The following GPC5 variants were observed in gnomAD, a reference collection of about 807,000 sequenced individuals.
The protein encoded by GPC5 is glypican 5.
A neutral mutation model predicts 53.9 loss-of-function variants in GPC5; 47 were observed. The ratio of observed to expected loss-of-function variants is 0.87; its 90% CI spans 0.69 to 1.11. GPC5 has a LOEUF of 1.11. GPC5 is among the 50% of genes most tolerant of loss of function. GPC5 has a pLI of 0.00. For missense variants in GPC5, 748 were observed against 713.1 expected (o/e 1.05, Z -0.56); for synonymous variants, 286 against 263.3 (o/e 1.09, Z -0.84).
chr13:92,758,938 T>C (rs1875032088), intron 7 of GPC5, among the ~76,000 whole-genome samples: 1 of 151,778 alleles, frequency 6.6e-6, no homozygotes, highest in African/African-American at 2.4e-5. Flanking sequence ...ATTTCATTGG[T>C]TTATTTTCAG....
chr13:92,807,988 T>G (rs1877160881), intron 7 of GPC5, among the ~76,000 whole-genome samples: 1 of 152,118 alleles, frequency 6.6e-6, no homozygotes, highest in Non-Finnish European at 1.5e-5. Flanking sequence ...ATTGATCATT[T>G]AAGTTTTTAT....
chr13:91,850,502 G>C (rs898725372), intron 5 of GPC5, among the ~76,000 whole-genome samples: 6 of 152,072 alleles, frequency 3.9e-5, no homozygotes, highest in African/African-American at 1.4e-4. Context: ...TGTAATAAAA[G>C]ACATGTTTCC....
intron 5 of GPC5, among the ~76,000 whole-genome samples, chr13:91,891,304 G>T (rs1594644674): frequency 6.6e-6 from 1 of 152,106 alleles, no homozygotes; most frequent in African/African-American, 2.4e-5. Context: ...CAGATTTTAT[G>T]TGCTGTCTTA....
intron 7 of GPC5, among the ~76,000 whole-genome samples, chr13:92,226,416 A>T (rs2042486729): frequency 6.6e-6 from 1 of 152,094 alleles, no homozygotes; most frequent in Non-Finnish European, 1.5e-5. Context: ...TTATTTGCTC[A>T]ATTAGTTATA....
At chr13:92,193,325 C>A (rs1463406312) in intron 7 of GPC5, among the ~76,000 whole-genome samples, 2 of 152,076 alleles carry the variant, frequency 1.3e-5, no homozygotes, top group Non-Finnish European at 2.9e-5. Context: ...GTTCATAACT[C>A]AAAATGGAAT....
chr13:92,856,221 G>A (rs778602140), intron 7 of GPC5, among the ~76,000 whole-genome samples: 7 of 151,860 alleles, frequency 4.6e-5, no homozygotes, highest in South Asian at 2.1e-4. Context: ...AAATAAATGC[G>A]ATTCACCACA....
chr13:92,806,017 T>G (rs762776113), intron 7 of GPC5, among the ~76,000 whole-genome samples: 1 of 152,000 alleles, frequency 6.6e-6, no homozygotes, highest in African/African-American at 2.4e-5. Context: ...CTTTCATAGT[T>G]CTCTAGCTAT....
intron 7 of GPC5, among the ~76,000 whole-genome samples, chr13:92,436,253 A>T (rs1264451053): frequency 6.6e-6 from 1 of 152,140 alleles, no homozygotes; most frequent in Non-Finnish European, 1.5e-5. Context: ...TATTGTGGAA[A>T]GTCTCTTAGA....
intron 2 of GPC5, among the ~76,000 whole-genome samples, chr13:91,596,075 T>C (rs930080340): frequency 1.3e-5 from 2 of 152,374 alleles, no homozygotes; most frequent in Admixed American, 6.5e-5. Context: ...ACCTTCGTGA[T>C]AAATTGATCC....
chr13:92,489,457 A>G (rs1044717899), intron 7 of GPC5, among the ~76,000 whole-genome samples: 2 of 152,164 alleles, frequency 1.3e-5, no homozygotes, highest in African/African-American at 2.4e-5. Flanking sequence ...GAATTAGGCA[A>G]GGTAATTTGC....
At chr13:91,467,352 C>T (rs370457369) in intron 2 of GPC5, among the ~76,000 whole-genome samples, 8 of 152,180 alleles carry the variant, frequency 5.3e-5, no homozygotes, top group African/African-American at 1.9e-4. Context: ...ATTCCTCCAC[C>T]AAGGCCACAG....
chr13:92,226,924 G>A (rs1218954279), intron 7 of GPC5, among the ~76,000 whole-genome samples: 1 of 152,134 alleles, frequency 6.6e-6, no homozygotes, highest in Admixed American at 6.5e-5. Context: ...TTTAATAGAA[G>A]TAACCCGTAT....
intron 2 of GPC5, among the ~76,000 whole-genome samples, chr13:91,520,117 T>A (rs1242292056): frequency 1.3e-5 from 2 of 152,098 alleles, no homozygotes; most frequent in Admixed American, 6.6e-5. Context: ...TAAAAAAAAA[T>A]TTATAAAATG....
rs147701029 is a variant in GPC5 at position 92,253,893 on chromosome 13, G to A, written c.1561+108904G>A. The stretch of plus-strand genomic sequence containing the variant: ...AAGGAATAAATTAGGATAGTTTGAA[G>A]AGGATTTGTTACAAAATGATTACTG... On this transcript the variant is annotated intron_variant, in intron 7 of 7. Transcript: ENST00000377067. 4.3e-4 allele frequency among the ~76,000 whole-genome samples: 66 copies of A among 152,200 alleles called. No homozygotes were observed. The East Asian group carries it at 8.9e-3, about 20-fold the overall frequency.
intron 3 of GPC5, among the ~76,000 whole-genome samples, chr13:91,709,172 A>C (rs571533193): frequency 1.5e-4 from 23 of 152,108 alleles, no homozygotes; most frequent in Non-Finnish European, 2.6e-4. Context: ...CACTGCTGAC[A>C]CTCCAATAGG....
At chr13:92,750,310 A>C (rs1176750631) in intron 7 of GPC5, among the ~76,000 whole-genome samples, 3 of 152,106 alleles carry the variant, frequency 2.0e-5, no homozygotes, top group Non-Finnish European at 4.4e-5. Flanking sequence ...AAATATGCAC[A>C]TTTTTGTCTT....
intron 7 of GPC5, among the ~76,000 whole-genome samples, chr13:92,625,944 C>A (rs1594359924): frequency 6.6e-6 from 1 of 152,106 alleles, no homozygotes; most frequent in African/African-American, 2.4e-5. Flanking sequence ...CACTATGTAA[C>A]TTTTTCAGGA....
intron 7 of GPC5, among the ~76,000 whole-genome samples, chr13:92,535,142 A>G (rs961298911): frequency 7.2e-4 from 109 of 152,142 alleles, no homozygotes; most frequent in African/African-American, 2.5e-3. Context: ...ATGGTCAGGA[A>G]TGTGGCTGGG....
At chr13:91,667,561 G>A (rs2035145898) in intron 2 of GPC5, among the ~76,000 whole-genome samples, 1 of 152,136 alleles carries the variant, frequency 6.6e-6, no homozygotes, top group African/African-American at 2.4e-5. Context: ...GGGAAGCATG[G>A]CATGATTCTG....
Sources: gnomAD v4.1 joint callset for allele counts (sites outside exome capture counted in the v4.1 genomes callset) on GRCh38, gnomAD v4.1.1 for gene constraint, MANE v1.5 for transcripts, NCBI Gene and HGNC (gene_info 2026-07-23, HGNC 2026-07-21) for gene names.